The following PDZRN4 variants were observed in gnomAD, a reference collection of about 807,000 sequenced individuals.
The protein encoded by PDZRN4 is PDZ domain-containing RING finger protein 4.
In PDZRN4, 70 loss-of-function variants were observed where a neutral mutation model predicts 99.0. The ratio of observed to expected loss-of-function variants is 0.71; its 90% CI spans 0.58 to 0.86. PDZRN4 has a LOEUF of 0.86. Ranked by LOEUF, PDZRN4 falls within the 40% of genes least tolerant of loss-of-function variation. The pLI, the probability that PDZRN4 is intolerant of heterozygous loss-of-function variation, is 0.00. For synonymous variants in PDZRN4, 551 were observed against 501.6 expected (o/e 1.10, Z -1.32); for missense variants, 1,474 against 1,331.2 (o/e 1.11, Z -1.67).
chr12:41,553,033 AG>A (rs576388006), intron 6 of PDZRN4, among the ~76,000 whole-genome samples: 258 of 152,362 alleles, frequency 1.7e-3, no homozygotes, highest in Non-Finnish European at 2.8e-3. Context: ...AATTCCCATA[AG>A]AATGCAGCAA....
At chr12:41,431,533 T>A (rs1039601991) in intron 3 of PDZRN4, among the ~76,000 whole-genome samples, 7 of 152,184 alleles carry the variant, frequency 4.6e-5, no homozygotes, top group African/African-American at 1.7e-4. Context: ...CCTTATTTCG[T>A]CTTCACAGTC....
At chr12:41,189,594 T>G (rs1327101649) in intron 1 of PDZRN4, among the ~76,000 whole-genome samples, 1 of 152,162 alleles carries the variant, frequency 6.6e-6, no homozygotes, top group Non-Finnish European at 1.5e-5. Context: ...TCAGCGTTGA[T>G]GACACTTGCG....
At chr12:41,489,368 T>C (rs1463687405) in intron 3 of PDZRN4, among the ~76,000 whole-genome samples, 2 of 152,100 alleles carry the variant, frequency 1.3e-5, no homozygotes, top group East Asian at 1.9e-4. Flanking sequence ...CAGCCCAAAA[T>C]GCCAACAGTA....
intron 3 of PDZRN4, among the ~76,000 whole-genome samples, chr12:41,370,024 A>G (rs935288993): frequency 1.3e-5 from 2 of 151,922 alleles, no homozygotes; most frequent in Admixed American, 6.6e-5. Flanking sequence ...AAAGGACCTC[A>G]GGATATTTTA....
intron 3 of PDZRN4, among the ~76,000 whole-genome samples, chr12:41,243,838 T>C (rs1951116305): frequency 1.3e-5 from 2 of 152,202 alleles, no homozygotes; most frequent in African/African-American, 4.8e-5. Flanking sequence ...ATGATATCCC[T>C]ATAACTAATG....
At chr12:41,521,009 T>C (rs1376834130) in intron 5 of PDZRN4, among the ~76,000 whole-genome samples, 1 of 152,106 alleles carries the variant, frequency 6.6e-6, no homozygotes, top group Non-Finnish European at 1.5e-5. Flanking sequence ...TTGTATTTGG[T>C]GTTGATGCAA....
chr12:41,357,720 G>A (rs977454576), intron 3 of PDZRN4, among the ~76,000 whole-genome samples: 3 of 151,998 alleles, frequency 2.0e-5, no homozygotes, highest in African/African-American at 7.2e-5. Flanking sequence ...GAGGCAATAG[G>A]TTTTGGCTCA....
intron 3 of PDZRN4, among the ~76,000 whole-genome samples, chr12:41,386,085 T>C (rs1952168770): frequency 6.6e-6 from 1 of 152,172 alleles, no homozygotes; most frequent in South Asian, 2.1e-4. Flanking sequence ...CCTCAATAGG[T>C]GCAGAAAAGT....
intron 3 of PDZRN4, among the ~76,000 whole-genome samples, chr12:41,391,718 T>C (rs777565470): frequency 1.3e-5 from 2 of 152,220 alleles, no homozygotes; most frequent in Non-Finnish European, 2.9e-5. Context: ...CCTTTAGCAC[T>C]GTAAATTTCT....
At chr12:41,204,220 A>G (rs1308744353) in intron 3 of PDZRN4, among the ~76,000 whole-genome samples, 1 of 151,970 alleles carries the variant, frequency 6.6e-6, no homozygotes, top group Non-Finnish European at 1.5e-5. Flanking sequence ...GGTGTTTAGT[A>G]TAAATAGACT....
At chr12:41,285,376 G>C (rs919543751) in intron 3 of PDZRN4, among the ~76,000 whole-genome samples, 3 of 152,168 alleles carry the variant, frequency 2.0e-5, no homozygotes, top group African/African-American at 4.8e-5. Context: ...AGAGGATGTG[G>C]AGAAATAGGA....
intron 3 of PDZRN4, among the ~76,000 whole-genome samples, chr12:41,196,102 G>GT (rs966191991): frequency 5.9e-5 from 9 of 151,722 alleles, no homozygotes; most frequent in Non-Finnish European, 1.3e-4. Flanking sequence ...CAAACCTACT[G>GT]TTTTTTTTAA....
In PDZRN4 at chr12:41,430,477, A is replaced by G. The variant is rs546730798; in HGVS notation, c.844-75979A>G. On this transcript the variant is annotated intron_variant, in intron 3 of 9. Transcript: ENST00000402685. ...AGCGAGACTCCATCTAAAAAAAAAA[A>G]AAAGAAAGAAAGAAATAGAATATGA... Among the ~76,000 whole-genome samples, 285 of 152,110 alleles carry G rather than the reference A, an allele frequency of 1.9e-3. 3 individuals carry two copies. Among genetic ancestry groups the G allele is most frequent in the African/African-American group, 6.4e-3 (265 of 41,500 alleles).
chr12:41,298,554 T>A (rs1951510433), intron 3 of PDZRN4, among the ~76,000 whole-genome samples: 1 of 152,178 alleles, frequency 6.6e-6, no homozygotes, highest in African/African-American at 2.4e-5. Flanking sequence ...CTTTCTGTGG[T>A]AAATTTCTTT....
intron 3 of PDZRN4, among the ~76,000 whole-genome samples, chr12:41,468,840 T>G (rs914445567): frequency 4.3e-4 from 66 of 152,200 alleles, no homozygotes; most frequent in Admixed American, 3.9e-4. Context: ...GTTTTTTGTC[T>G]TTAATTTTTG....
chr12:41,563,726 T>C (rs1939313930), intron 8 of PDZRN4, 77 bp downstream of exon 8: 1 of 923,418 alleles, frequency 1.1e-6, no homozygotes, highest in South Asian at 1.5e-5. Context: ...CGTGAATGAA[T>C]TATATTCATT....
At chr12:41,215,378 A>T (rs918018643) in intron 3 of PDZRN4, among the ~76,000 whole-genome samples, 1 of 152,024 alleles carries the variant, frequency 6.6e-6, no homozygotes, top group Non-Finnish European at 1.5e-5. Flanking sequence ...TCAATCCCAG[A>T]CCTAGTGAAA....
At chr12:41,302,906 C>G (rs1438420180) in intron 3 of PDZRN4, among the ~76,000 whole-genome samples, 1 of 149,972 alleles carries the variant, frequency 6.7e-6, no homozygotes, top group Non-Finnish European at 1.5e-5. Context: ...TATTTTAGTC[C>G]TGTCCTGATT....
chr12:41,417,331 A>G (rs1463555350), intron 3 of PDZRN4, among the ~76,000 whole-genome samples: 1 of 152,220 alleles, frequency 6.6e-6, no homozygotes, highest in African/African-American at 2.4e-5. Context: ...AAAATTTGGT[A>G]AGTGCCATTG....
Sources: allele counts gnomAD v4.1 joint callset (sites outside exome capture counted in the v4.1 genomes callset), GRCh38; gene constraint gnomAD v4.1.1; transcripts MANE v1.5; gene names NCBI Gene and HGNC (gene_info 2026-07-23, HGNC 2026-07-21).